The following PIP4P2 variants were observed in gnomAD, a reference collection of about 807,000 sequenced individuals.
The protein encoded by PIP4P2 is type 2 phosphatidylinositol 4,5-bisphosphate 4-phosphatase.
Under a neutral mutation model 33.3 loss-of-function variants are expected in PIP4P2, and 19 were observed. The observed-to-expected ratio is 0.57, with a 90% confidence interval of 0.40 to 0.84. The LOEUF is 0.84. PIP4P2 is among the 40% of genes least tolerant of loss of function. The pLI is 0.00. For synonymous variants in PIP4P2, 110 were observed against 111.9 expected (o/e 0.98, Z 0.11); for missense variants, 270 against 324.7 (o/e 0.83, Z 1.29).
chr8:91,004,798 T>C (rs1811746064), intron 5 of PIP4P2, among the ~76,000 whole-genome samples: 1 of 151,996 alleles, frequency 6.6e-6, no homozygotes, highest in South Asian at 2.1e-4. Context: ...ACAGATAGCC[T>C]CAATTATTTC....
In PIP4P2 at chr8:91,010,016, T is replaced by A. The variant is rs115002303; in HGVS notation, c.487-1221A>T. Among the ~76,000 whole-genome samples the A allele has an allele frequency of 1.7e-3, 260 of 151,994 alleles. 1 individual carries two copies. Among genetic ancestry groups the A allele is most frequent in the African/African-American group, 6.1e-3 (253 of 41,542 alleles). The stretch of plus-strand genomic sequence containing the variant: ...AACCAAGGGCACTTATTTTTCAAGC[T>A]AGAGTGAATATTTCTCTCATTAATT... On this transcript the variant is annotated intron_variant, in intron 4 of 6. Coordinates refer to ENST00000285419, the MANE Select transcript of PIP4P2 (RefSeq NM_018710.3).
intron 4 of PIP4P2, among the ~76,000 whole-genome samples, chr8:91,009,683 G>A (rs1022257522): frequency 2.6e-5 from 4 of 151,566 alleles, no homozygotes; most frequent in African/African-American, 9.7e-5. Flanking sequence ...TCTAGATACG[G>A]GGGTTTCAAT....
At chr8:91,040,509 A>C (rs985677385) in intron 1 of PIP4P2, 135 bp downstream of exon 1, 1 of 980,142 alleles carries the variant, frequency 1.0e-6, no homozygotes, top group Non-Finnish European at 1.5e-6. Flanking sequence ...GGGAAGGCAC[A>C]GTCAGCATCC....
chr8:91,024,368 T>C (rs755183014), intron 1 of PIP4P2: 13 of 431,038 alleles, frequency 3.0e-5, no homozygotes, highest in Non-Finnish European at 4.7e-5. Context: ...TTAGTAAACC[T>C]ACAATAATTA....
At chr8:91,038,014 G>A (rs555988567) in intron 1 of PIP4P2, among the ~76,000 whole-genome samples, 1 of 152,242 alleles carries the variant, frequency 6.6e-6, no homozygotes, top group East Asian at 1.9e-4. Context: ...ACTGCAAGCA[G>A]GAGAGAAGCA....
chr8:91,003,193 T>C (rs1052547207), intron 5 of PIP4P2, among the ~76,000 whole-genome samples: 6 of 152,194 alleles, frequency 3.9e-5, no homozygotes, highest in Non-Finnish European at 2.9e-5. Context: ...ACTAAAAGAT[T>C]TGATGCCAGA....
chr8:90,997,953 C>T (rs77144437), intron 5 of PIP4P2, among the ~76,000 whole-genome samples: 178 of 152,140 alleles, frequency 1.2e-3, no homozygotes, highest in Middle Eastern at 6.8e-3. Context: ...TTCCTGGGTA[C>T]TTGAGCCCAA....
At chr8:91,005,848 T>TGTATTTCA (rs1423397428) in intron 5 of PIP4P2, among the ~76,000 whole-genome samples, 2 of 152,206 alleles carry the variant, frequency 1.3e-5, no homozygotes, top group Non-Finnish European at 2.9e-5. Context: ...TAGTCCAAAC[T>TGTATTTCA]GTATTTCAGA....
chr8:91,040,264 T>TTCA (rs1383398203), intron 1 of PIP4P2, among the ~76,000 whole-genome samples: 1 of 152,164 alleles, frequency 6.6e-6, no homozygotes, highest in Non-Finnish European at 1.5e-5. Flanking sequence ...TTGTGAATGA[T>TTCA]TGTGAAAGAT....
At chr8:91,034,869 A>G (rs1371543094) in intron 1 of PIP4P2, among the ~76,000 whole-genome samples, 1 of 152,210 alleles carries the variant, frequency 6.6e-6, no homozygotes, top group Admixed American at 6.5e-5. Flanking sequence ...GCCAAAATGT[A>G]TTCAATCTCT....
At chr8:91,012,923 G>C (rs1811858363) in intron 4 of PIP4P2, among the ~76,000 whole-genome samples, 1 of 152,140 alleles carries the variant, frequency 6.6e-6, no homozygotes, top group South Asian at 2.1e-4. Context: ...TTCATTGCCA[G>C]ATGATTCTAA....
intron 1 of PIP4P2, among the ~76,000 whole-genome samples, chr8:91,033,825 G>A (rs1037597689): frequency 6.6e-6 from 1 of 152,070 alleles, no homozygotes; most frequent in African/African-American, 2.4e-5. Flanking sequence ...TGTTGCGCAG[G>A]CTGGAGTACA....
At chr8:91,010,958 A>AG (rs1320157501) in intron 4 of PIP4P2, among the ~76,000 whole-genome samples, 5 of 20 alleles carry the variant, frequency 0.25, no homozygotes, top group Non-Finnish European at 0.31. Flanking sequence ...GAAGATTTGT[A>AG]AAAAAAAAAA....
intron 1 of PIP4P2, among the ~76,000 whole-genome samples, chr8:91,028,483 G>A (rs1812113881): frequency 1.3e-5 from 2 of 152,206 alleles, no homozygotes; most frequent in African/African-American, 2.4e-5. Flanking sequence ...ACTCAAAGCG[G>A]CTATCAAGTG....
chr8:91,018,939 A>G (rs1228950175), intron 3 of PIP4P2, among the ~76,000 whole-genome samples: 1 of 152,140 alleles, frequency 6.6e-6, no homozygotes, highest in Non-Finnish European at 1.5e-5. Flanking sequence ...GAGCAGTGTG[A>G]TATTCCTTGA....
intron 1 of PIP4P2, among the ~76,000 whole-genome samples, chr8:91,026,490 C>A (rs1812086061): frequency 6.6e-6 from 1 of 152,118 alleles, no homozygotes; most frequent in African/African-American, 2.4e-5. Context: ...CAGGACCCCT[C>A]CTCTAAGTTA....
At chr8:91,039,334 A>C (rs1384485147) in intron 1 of PIP4P2, among the ~76,000 whole-genome samples, 6 of 152,208 alleles carry the variant, frequency 3.9e-5, no homozygotes, top group Admixed American at 3.3e-4. Context: ...TTCTGTGGGC[A>C]AGTCTCTCTC....
Position 90,995,784 on chromosome 8 carries a change from T to C in PIP4P2, c.667A>G (p.Thr223Ala). The change falls in exon 7 of 7, where the codon ACC becomes GCC. Residue 223 changes from threonine (T) to alanine (A), a missense_variant. Physicochemically the swap from Thr to Ala is moderately conservative, Grantham distance 58. Transcript: ENST00000285419. ...TAAGCAATTGCCCAAGAAACATAGG[T>C]TGCTCGAAATCGCCTTGCAAAATCT... ...TPDFARRFRA[T>A]YVSWAIAYLL... 1 of 1,610,298 alleles carries C rather than the reference T, an allele frequency of 6.2e-7. No individual in the cohort carries two copies. The highest frequency in any genetic ancestry group is 8.5e-7 in the Non-Finnish European group (1 of 1,178,756).
intron 1 of PIP4P2, among the ~76,000 whole-genome samples, chr8:91,027,576 A>G (rs1252042923): frequency 1.3e-5 from 2 of 152,134 alleles, no homozygotes; most frequent in African/African-American, 4.8e-5. Context: ...ATGTATTTCC[A>G]GAAACCTGGA....
Sources: gnomAD v4.1 joint callset for allele counts (sites outside exome capture counted in the v4.1 genomes callset) on GRCh38, gnomAD v4.1.1 for gene constraint, MANE v1.5 for transcripts, NCBI Gene and HGNC (gene_info 2026-07-23, HGNC 2026-07-21) for gene names.